TAF1: variants seen among roughly 807,000 people sequenced by gnomAD.
TAF1 encodes transcription initiation factor TFIID subunit 1.
A neutral mutation model predicts 138.5 loss-of-function variants in TAF1; 2 were observed. That is an observed-to-expected ratio of 0.01 (90% CI 0.01 to 0.05). The LOEUF (loss-of-function observed/expected upper bound fraction) is 0.05, where lower values mean the gene tolerates loss of function less well. TAF1 is among the 10% of genes least tolerant of loss of function. TAF1 has a pLI of 1.00. For synonymous variants in TAF1, 437 were observed against 503.2 expected (o/e 0.87, Z 1.76); for missense variants, 709 against 1,478.0 (o/e 0.48, Z 8.53).
At chrX:71,461,194 A>G (rs1340297902) in intron 37 of TAF1, among the ~76,000 whole-genome samples, 1 of 110,886 alleles carries the variant, frequency 9.0e-6, no homozygotes, top group South Asian at 3.8e-4. Flanking sequence ...GTACTATGGC[A>G]GGGGGTGGGG....
At chrX:71,506,796 C>A (rs1209344545) in intron 13 of TAF1, among the ~76,000 whole-genome samples, 1 of 111,641 alleles carries the variant, frequency 9.0e-6, no homozygotes, top group Non-Finnish European at 1.9e-5. Flanking sequence ...AAAATTTGTA[C>A]ACAGATGTCC....
chrX:71,525,291 C>T (rs189261134), intron 13 of TAF1, among the ~76,000 whole-genome samples: 23 of 112,009 alleles, frequency 2.1e-4, no homozygotes, highest in Non-Finnish European at 4.3e-4. Context: ...ACCCGCCTGC[C>T]TCGGCCTCCC....
At chrX:71,529,796 C>T (rs971250530) in exon 15 of TAF1, 9 of 324,163 alleles carry the variant, frequency 2.8e-5, no homozygotes, top group South Asian at 8.1e-5. Flanking sequence ...GTCTCATCTC[C>T]GTTTTGATAC....
intron 13 of TAF1, among the ~76,000 whole-genome samples, chrX:71,495,485 C>T (rs1293042320): frequency 9.0e-6 from 1 of 111,439 alleles, no homozygotes; most frequent in East Asian, 2.8e-4. Flanking sequence ...AAGCCTTTTC[C>T]CGTAAACGCC....
intron 13 of TAF1, among the ~76,000 whole-genome samples, chrX:71,477,855 A>G (rs768464920): frequency 1.8e-5 from 2 of 109,459 alleles, no homozygotes; most frequent in South Asian, 8.1e-4. Flanking sequence ...TTAGCTGGGC[A>G]TGGTAGCACA....
chrX:71,419,618 G>A (rs1048802189), intron 28 of TAF1, among the ~76,000 whole-genome samples: 16 of 111,735 alleles, frequency 1.4e-4, no homozygotes, highest in African/African-American at 5.2e-4. Context: ...GTGGGTGGTA[G>A]ACCTGACTGG....
At position 71,384,164 on chromosome X, in the gene TAF1, C is replaced by T. The variant is rs185443967; in HGVS notation, c.2121+29C>T. The T allele has an allele frequency of 8.1e-5, 97 of 1,200,074 alleles. 1 individual carries two copies. The Admixed American group carries it at 2.2e-3, about 27-fold the overall frequency. On this transcript the variant is annotated intron_variant, in intron 13 of 37. Transcript: ENST00000423759. ...AGTCTCTGCTCAGAAAATTTTTTTC[C>T]CATACATAATTCTGCTTATGCTTCC... is the stretch of plus-strand genomic sequence containing the variant.
chrX:71,469,552 C>T (rs1328527429), downstream of TAF1, among the ~76,000 whole-genome samples: 1 of 107,950 alleles, frequency 9.3e-6, no homozygotes, highest in Non-Finnish European at 1.9e-5. Flanking sequence ...AATTAGTAGC[C>T]AGGCATGGTG....
chrX:71,436,343 G>A (rs1176526216), intron 32 of TAF1, among the ~76,000 whole-genome samples: 7 of 106,388 alleles, frequency 6.6e-5, no homozygotes, highest in African/African-American at 2.4e-4. Flanking sequence ...AGCCTCCCAA[G>A]TAGCTGGGAC....
intron 3 of TAF1, among the ~76,000 whole-genome samples, chrX:71,370,980 C>T (rs1006445427): frequency 1.8e-5 from 2 of 111,809 alleles, no homozygotes; most frequent in African/African-American, 6.5e-5. Flanking sequence ...TAGAGTGTTA[C>T]ATTTAGTTTT....
At chrX:71,500,061 C>T (rs1356185734) in intron 13 of TAF1, among the ~76,000 whole-genome samples, 2 of 110,297 alleles carry the variant, frequency 1.8e-5, no homozygotes, top group African/African-American at 6.6e-5. Flanking sequence ...TTTGTGGTCC[C>T]TTGGAGATCT....
intron 32 of TAF1, among the ~76,000 whole-genome samples, chrX:71,448,436 C>T (rs1179892593): frequency 5.4e-5 from 6 of 112,069 alleles, no homozygotes; most frequent in South Asian, 3.7e-4. Context: ...CTGTTCTGCT[C>T]TCAAAAATGT....
chrX:71,375,125 A>G, intron 3 of TAF1, 42 bp from the exon 4 acceptor site: 5 of 1,189,721 alleles, frequency 4.2e-6, no homozygotes, highest in Non-Finnish European at 5.6e-6. Flanking sequence ...CGGTTGTATA[A>G]TATTTTGGAT....
At chrX:71,500,669 C>T (rs1254995952) in intron 13 of TAF1, among the ~76,000 whole-genome samples, 1 of 110,166 alleles carries the variant, frequency 9.1e-6, no homozygotes, top group South Asian at 4.0e-4. Context: ...CGACGAAGGT[C>T]GGATTTAGTG....
intron 37 of TAF1, among the ~76,000 whole-genome samples, chrX:71,462,209 T>G (rs909538355): frequency 8.0e-5 from 9 of 111,998 alleles, no homozygotes; most frequent in African/African-American, 2.9e-4. Context: ...GATTGTCCTG[T>G]GCCCCAAAAG....
intron 32 of TAF1, among the ~76,000 whole-genome samples, chrX:71,438,216 A>G (rs974673460): frequency 9.0e-6 from 1 of 111,259 alleles, no homozygotes; most frequent in Admixed American, 9.6e-5. Context: ...ACCACTGTGT[A>G]TTTCCAGAAC....
At chrX:71,407,406 C>T (rs1323645288) in intron 26 of TAF1, among the ~76,000 whole-genome samples, 168 bp from the exon 27 acceptor site, 2 of 108,748 alleles carry the variant, frequency 1.8e-5, no homozygotes, top group Middle Eastern at 4.8e-3. Flanking sequence ...TTAGTAGAGA[C>T]GGGGCTTCAC....
intron 13 of TAF1, among the ~76,000 whole-genome samples, chrX:71,510,765 T>C (rs2039715466): frequency 9.0e-6 from 1 of 111,517 alleles, no homozygotes; most frequent in Non-Finnish European, 1.9e-5. Context: ...AACAGAATCC[T>C]GGGTGTGGGA....
At chrX:71,390,476 G>A (rs181742939) in intron 18 of TAF1, among the ~76,000 whole-genome samples, 9 of 111,491 alleles carry the variant, frequency 8.1e-5, no homozygotes, top group African/African-American at 1.3e-4. Context: ...CCTGGATTTC[G>A]ATTGGATGAT....
Sources: allele counts gnomAD v4.1 joint callset (sites outside exome capture counted in the v4.1 genomes callset), GRCh38; gene constraint gnomAD v4.1.1; transcripts MANE v1.5; gene names NCBI Gene and HGNC (gene_info 2026-07-23, HGNC 2026-07-21).